FGF12: variants seen among roughly 807,000 people sequenced by gnomAD.
FGF12 encodes fibroblast growth factor 12.
FGF12 carries 14 observed loss-of-function variants against 23.6 expected under a neutral mutation model. The ratio of observed to expected loss-of-function variants is 0.59; its 90% CI spans 0.39 to 0.93. FGF12 has a LOEUF of 0.93. Ranked by LOEUF, FGF12 falls within the 40% of genes least tolerant of loss-of-function variation. The probability of loss-of-function intolerance (pLI) is 0.00; values close to 1 mark genes in which losing one functional copy is unlikely to be tolerated. For synonymous variants in FGF12, 62 were observed against 77.3 expected (o/e 0.80, Z 1.04); for missense variants, 175 against 217.8 (o/e 0.80, Z 1.24).
At chr3:192,186,026 A>G (rs1716447776) in intron 4 of FGF12, among the ~76,000 whole-genome samples, 1 of 152,252 alleles carries the variant, frequency 6.6e-6, no homozygotes. Flanking sequence ...GAGAGAATAA[A>G]CACAGGTATG....
At chr3:192,708,595 C>T (rs554810186) in intron 2 of FGF12, among the ~76,000 whole-genome samples, 1 of 152,100 alleles carries the variant, frequency 6.6e-6, no homozygotes, top group South Asian at 2.1e-4. Context: ...ATGTGCCAAG[C>T]CACTGAAATT....
chr3:192,309,269 T>C (rs1715813357), intron 4 of FGF12, among the ~76,000 whole-genome samples: 1 of 152,218 alleles, frequency 6.6e-6, no homozygotes, highest in African/African-American at 2.4e-5. Context: ...AACCATAGCT[T>C]GTGTCAGTCT....
At chr3:192,304,415 T>G (rs1052997919) in intron 4 of FGF12, among the ~76,000 whole-genome samples, 4 of 152,194 alleles carry the variant, frequency 2.6e-5, no homozygotes, top group Non-Finnish European at 4.4e-5. Flanking sequence ...CATGGTTTAT[T>G]TGATTAAGCA....
chr3:192,164,508 T>G (rs1443352763), intron 5 of FGF12, among the ~76,000 whole-genome samples: 2 of 152,078 alleles, frequency 1.3e-5, no homozygotes, highest in African/African-American at 4.8e-5. Context: ...GACTTAACCA[T>G]CCTCAAACTG....
chr3:192,207,100 T>C (rs1301118938), intron 4 of FGF12, among the ~76,000 whole-genome samples: 3 of 152,232 alleles, frequency 2.0e-5, no homozygotes, highest in Admixed American at 6.5e-5. Context: ...ATAGGCTTTA[T>C]TGGCAGTCTA....
chr3:192,619,055 A>C (rs897180601), intron 2 of FGF12, among the ~76,000 whole-genome samples: 1 of 152,030 alleles, frequency 6.6e-6, no homozygotes, highest in East Asian at 1.9e-4. Flanking sequence ...TTTGCTAATT[A>C]AATTAGCTAA....
intron 2 of FGF12, among the ~76,000 whole-genome samples, chr3:192,533,775 A>T (rs1429724100): frequency 6.6e-6 from 1 of 152,174 alleles, no homozygotes; most frequent in African/African-American, 2.4e-5. Flanking sequence ...CTGCATGCAT[A>T]TCTCTCTCCA....
chr3:192,398,921 T>C (rs1720641435), intron 2 of FGF12, among the ~76,000 whole-genome samples: 1 of 152,124 alleles, frequency 6.6e-6, no homozygotes. Context: ...AGTCAGGATG[T>C]CATTTCCTCA....
Position 192,143,902 on chromosome 3 carries a change from G to A in FGF12, c.*107C>T, listed in dbSNP as rs1713544582. On this transcript the variant is annotated 3_prime_UTR_variant, in exon 6 of 6. Transcript: ENST00000445105. ...AATCTTAGCCACTAGGTCTTGCGTTGTCATTTTATTTTCCTCTCCTTGGGT... is the reference window on the plus strand; with the variant it reads ...AATCTTAGCCACTAGGTCTTGCGTTATCATTTTATTTTCCTCTCCTTGGGT... 4.0e-6 allele frequency: 3 copies of A among 741,696 alleles called. No individual in the cohort carries two copies. The Admixed American group carries it at 6.7e-5, about 16-fold the overall frequency. 45.9% of individuals were successfully genotyped at this position (741,696 alleles called of 1,614,324 possible).
intron 4 of FGF12, among the ~76,000 whole-genome samples, chr3:192,185,056 G>A (rs1014259730): frequency 3.3e-5 from 5 of 152,084 alleles, no homozygotes; most frequent in African/African-American, 1.2e-4. Flanking sequence ...ACCTATATCT[G>A]CAAATCCAAA....
chr3:192,186,633 TA>T (rs1292944930), intron 4 of FGF12, among the ~76,000 whole-genome samples: 2 of 152,188 alleles, frequency 1.3e-5, no homozygotes, highest in Admixed American at 6.5e-5. Flanking sequence ...ACTGCTACTT[TA>T]TTTGAAAGGA....
chr3:192,626,211 C>G (rs560012422), intron 2 of FGF12, among the ~76,000 whole-genome samples: 1 of 152,242 alleles, frequency 6.6e-6, no homozygotes, highest in East Asian at 1.9e-4. Flanking sequence ...AATGTATCAT[C>G]TCAATCTTTT....
At chr3:192,213,258 C>A (rs1335671720) in intron 4 of FGF12, among the ~76,000 whole-genome samples, 1 of 152,120 alleles carries the variant, frequency 6.6e-6, no homozygotes, top group Non-Finnish European at 1.5e-5. Flanking sequence ...TATCTGAAAG[C>A]GTCTCCAATT....
intron 2 of FGF12, among the ~76,000 whole-genome samples, chr3:192,495,194 C>G (rs1039425817): frequency 1.3e-5 from 2 of 152,132 alleles, no homozygotes; most frequent in Non-Finnish European, 2.9e-5. Flanking sequence ...TAGCCATAAT[C>G]CAGAAATCAT....
At chr3:192,410,977 T>C (rs1721181673) in intron 2 of FGF12, among the ~76,000 whole-genome samples, 1 of 152,130 alleles carries the variant, frequency 6.6e-6, no homozygotes, top group Non-Finnish European at 1.5e-5. Context: ...ATATCCCTAA[T>C]CTCTCTCCTT....
chr3:192,661,567 G>C (rs1018190851), intron 2 of FGF12, among the ~76,000 whole-genome samples: 3 of 152,024 alleles, frequency 2.0e-5, no homozygotes, highest in Non-Finnish European at 4.4e-5. Flanking sequence ...ATTCTCCCAA[G>C]AATCAGAAAA....
At chr3:192,608,644 C>G (rs1317215864) in intron 2 of FGF12, among the ~76,000 whole-genome samples, 1 of 152,102 alleles carries the variant, frequency 6.6e-6, no homozygotes, top group Non-Finnish European at 1.5e-5. Flanking sequence ...ATAGAAAAAG[C>G]TGCAAACTCC....
Position 192,549,587 on chromosome 3 carries a change from G to A in FGF12, c.13+177594C>T, listed in dbSNP as rs1725580451. 2.6e-5 allele frequency among the ~76,000 whole-genome samples: 4 copies of A among 152,168 alleles called. No homozygotes were observed. In the South Asian group the frequency reaches 8.3e-4, roughly 32 times the overall value. Reference sequence around the variant, plus strand: ...GAGCCACAGAATGCCCAGAAATTTGGCCAAACATTATTCTGGGTATGACTA... The same window carrying A: ...GAGCCACAGAATGCCCAGAAATTTGACCAAACATTATTCTGGGTATGACTA... On this transcript the variant is annotated intron_variant, in intron 2 of 5. Coordinates refer to ENST00000445105, the MANE Select transcript of FGF12 (RefSeq NM_004113.6).
intron 4 of FGF12, among the ~76,000 whole-genome samples, chr3:192,322,722 C>T (rs948386768): frequency 3.9e-5 from 6 of 152,092 alleles, no homozygotes; most frequent in Non-Finnish European, 8.8e-5. Context: ...TCATTTTCGA[C>T]AAAGTTTCCA....
Sources: allele counts gnomAD v4.1 joint callset (sites outside exome capture counted in the v4.1 genomes callset), GRCh38; gene constraint gnomAD v4.1.1; transcripts MANE v1.5; gene names NCBI Gene and HGNC (gene_info 2026-07-23, HGNC 2026-07-21).